The following CABIN1 variants were observed in gnomAD, a reference collection of about 807,000 sequenced individuals.
CABIN1 encodes the protein calcineurin binding protein 1.
Under a neutral mutation model 227.7 loss-of-function variants are expected in CABIN1, and 133 were observed. The observed-to-expected ratio is 0.58, with a 90% CI of 0.51 to 0.67. CABIN1 has a LOEUF of 0.67. Among genes scored for constraint, CABIN1 ranks in the 30% least tolerant of loss-of-function variants. The probability of loss-of-function intolerance (pLI) is 0.00; values close to 1 mark genes in which losing one functional copy is unlikely to be tolerated. For missense variants in CABIN1, 2,408 were observed against 2,852.5 expected (o/e 0.84, Z 3.55); for synonymous variants, 1,086 against 1,155.1 (o/e 0.94, Z 1.21).
intron 28 of CABIN1, among the ~76,000 whole-genome samples, chr22:24,130,925 T>C (rs1602254861): frequency 6.6e-6 from 1 of 152,172 alleles, no homozygotes; most frequent in African/African-American, 2.4e-5. Flanking sequence ...TCTGCACCCT[T>C]TGCCCCAGAA....
rs1180070783 is a variant in CABIN1 at position 24,015,546 on chromosome 22, G to A, written c.-75+4179G>A. On this transcript the variant is annotated intron_variant, in intron 1 of 36. Coordinates refer to ENST00000263119, the MANE Select transcript of CABIN1 (RefSeq NM_012295.4). ...TTTTTAGTAGAGACGGGGTTTCACC[G>A]TGTTAGCCAGGATGGTCTCGATCTT... Among the ~76,000 whole-genome samples, 5 of 151,438 alleles carry A rather than the reference G, an allele frequency of 3.3e-5. No individual in the cohort carries two copies. The East Asian group carries it at 8.2e-4, about 25-fold the overall frequency.
At chr22:24,095,426 A>ACC (rs199640133) in intron 24 of CABIN1, among the ~76,000 whole-genome samples, 127 of 69,480 alleles carry the variant, frequency 1.8e-3, no homozygotes, top group African/African-American at 5.9e-3. Context: ...CTGCCCACCC[A>ACC]CCCCCCCACC....
Position 24,097,999 on chromosome 22 carries a change from CCT to C in CABIN1, c.3939-12_3939-11del. The C allele has an allele frequency of 2.5e-6, 4 of 1,614,146 alleles. No individual in the cohort carries two copies. Among genetic ancestry groups the C allele is most frequent in the Non-Finnish European group, 3.4e-6 (4 of 1,180,014 alleles). On this transcript the variant is annotated splice_polypyrimidine_tract_variant and intron_variant, in intron 25 of 36. Transcript: ENST00000263119. Reference sequence around the variant, plus strand: ...TGGAGACTCTGACCTGTGCCCCAAACCTCTGTTCCCACAGGGAGAAGGCCTGC... The same window carrying C: ...TGGAGACTCTGACCTGTGCCCCAAACCTGTTCCCACAGGGAGAAGGCCTGC...
At chr22:24,061,811 T>A (rs886246945) in intron 12 of CABIN1, 136 bp from the exon 13 acceptor site, 1 of 714,764 alleles carries the variant, frequency 1.4e-6, no homozygotes, top group Non-Finnish European at 2.5e-6. Flanking sequence ...TTATCACTTA[T>A]GAAATGGCAA....
chr22:24,147,784 C>T (rs994649674), intron 29 of CABIN1, among the ~76,000 whole-genome samples: 1 of 152,152 alleles, frequency 6.6e-6, no homozygotes, highest in Admixed American at 6.5e-5. Context: ...GCGGTCTCAG[C>T]TTGGGCAGAG....
intron 4 of CABIN1, 89 bp from the exon 5 acceptor site, chr22:24,041,050 C>A: frequency 6.5e-7 from 1 of 1,528,116 alleles, no homozygotes; most frequent in Non-Finnish European, 9.1e-7. Flanking sequence ...GGGCCTGCAG[C>A]AGAGGCCAGC....
chr22:24,042,887 G>T lies in CABIN1; in HGVS notation c.346-17G>T. 7.3e-7 allele frequency: 1 copy of T among 1,375,804 alleles called. No homozygotes were observed. Among genetic ancestry groups the T allele is most frequent in the Non-Finnish European group, 9.8e-7 (1 of 1,018,712 alleles). 85.2% of individuals were successfully genotyped at this position (1,375,804 alleles called of 1,614,324 possible). A position where few individuals can be genotyped will look rare whatever the true frequency, so the allele number is the denominator to read the frequency against. On this transcript the variant is annotated splice_polypyrimidine_tract_variant and intron_variant, in intron 5 of 36. Transcript: ENST00000263119. The stretch of plus-strand genomic sequence containing the variant: ...GTGTGTGTGTGTGTGTTTGCCCTCT[G>T]CTTGTGTCGCTTCCAGGCAGTGATG...
intron 27 of CABIN1, among the ~76,000 whole-genome samples, chr22:24,113,964 GCA>G (rs1203529668): frequency 6.6e-6 from 1 of 152,230 alleles, no homozygotes; most frequent in African/African-American, 2.4e-5. Context: ...ACAGAGCCCA[GCA>G]CCACATGTGC....
rs1332114419 is a variant in CABIN1 at position 24,177,584 on chromosome 22, C to G, written c.6286C>G (p.Pro2096Ala). 3.7e-6 allele frequency: 6 copies of G among 1,607,606 alleles called. No homozygotes were observed. The highest frequency in any genetic ancestry group is 3.3e-4 in the Middle Eastern group (2 of 6,034). The change falls in exon 36 of 37, where the codon CCA becomes GCA. Residue 2096 changes from proline (P) to alanine (A), a missense_variant. This residue lies in a region of CABIN1 where 714 missense variants were observed against 773.8 expected (regional missense o/e 0.92). Transcript: ENST00000263119. The surrounding 1 kb of genome is among the most constrained non-coding windows in gnomAD (Gnocchi z 4.4). ...ASETQPLSSPPTAASSKAPSS... is the reference protein window; with the variant it reads ...ASETQPLSSPATAASSKAPSS... ...TGAGACTCAGCCCCTGAGCTCTCCC[C>G]CAACAGCTGCCAGCTCCAAGGCCCC...
rs1350484917 is a variant in CABIN1, at chr22:24,098,292, G to T, written c.4117+100G>T. The T allele has an allele frequency of 1.3e-5, 20 of 1,557,768 alleles. No individual in the cohort carries two copies. In the Admixed American group the frequency reaches 2.2e-4, roughly 17 times the overall value. On this transcript the variant is annotated intron_variant, in intron 26 of 36. Coordinates refer to ENST00000263119, the MANE Select transcript of CABIN1 (RefSeq NM_012295.4). Reference sequence around the variant, plus strand: ...TTGTCGCTTCGTTTTGGTGAGGGGGGGTGCTGGGTCTGGGGTGACACGGGC... The same window carrying T: ...TTGTCGCTTCGTTTTGGTGAGGGGGTGTGCTGGGTCTGGGGTGACACGGGC...
rs1471147891 is a variant in CABIN1, at chr22:24,067,192, C to T, written c.2232+11C>T. ...CTGCTTCTTCTGCAGGTGTGTGCTGCCAGTGTCCCTCACACCCACTTGCAC... is the reference window on the plus strand; with the variant it reads ...CTGCTTCTTCTGCAGGTGTGTGCTGTCAGTGTCCCTCACACCCACTTGCAC... On this transcript the variant is annotated intron_variant, in intron 16 of 36. Transcript: ENST00000263119. 6 of 1,613,970 alleles carry T rather than the reference C, an allele frequency of 3.7e-6. No homozygotes were observed. In the South Asian group the frequency reaches 6.6e-5, roughly 18 times the overall value.
intron 34 of CABIN1, 57 bp downstream of exon 34, chr22:24,172,052 C>T (rs981719805): frequency 2.6e-6 from 4 of 1,566,208 alleles, no homozygotes; most frequent in East Asian, 4.7e-5. Context: ...TCAAGTCCTC[C>T]CTGCGGGGAG....
intron 10 of CABIN1, among the ~76,000 whole-genome samples, chr22:24,058,459 G>A (rs1325696943): frequency 6.6e-6 from 1 of 152,194 alleles, no homozygotes; most frequent in Non-Finnish European, 1.5e-5. Flanking sequence ...GGGGTTCTGG[G>A]TTGAGGGAAC....
Position 24,068,369 on chromosome 22 carries a change from C to T in CABIN1, c.2232+1188C>T, listed in dbSNP as rs540084514. Among the ~76,000 whole-genome samples, 9 of 152,292 alleles carry T rather than the reference C, an allele frequency of 5.9e-5. No individual in the cohort carries two copies. The South Asian group carries it at 1.4e-3, about 25-fold the overall frequency. ...GACAGCCAGCATACCAGGAAGGGTGCTGGGTGGGAGAAAGGGGAGAGAGGC... is the reference window on the plus strand; with the variant it reads ...GACAGCCAGCATACCAGGAAGGGTGTTGGGTGGGAGAAAGGGGAGAGAGGC... On this transcript the variant is annotated intron_variant, in intron 16 of 36. Coordinates refer to ENST00000263119, the MANE Select transcript of CABIN1 (RefSeq NM_012295.4).
chr22:24,108,242 G>T (rs1280389994), intron 26 of CABIN1, among the ~76,000 whole-genome samples: 1 of 152,234 alleles, frequency 6.6e-6, no homozygotes, highest in Admixed American at 6.5e-5. Context: ...ATGGGAATGT[G>T]GGTCTGGGAG....
intron 4 of CABIN1, among the ~76,000 whole-genome samples, chr22:24,039,677 G>C (rs894553367): frequency 6.6e-6 from 1 of 152,166 alleles, no homozygotes; most frequent in Admixed American, 6.5e-5. Context: ...CTAAGGGCAC[G>C]GTCATGTGTC....
At chr22:24,145,311 C>T (rs912400577) in intron 29 of CABIN1, among the ~76,000 whole-genome samples, 1 of 152,188 alleles carries the variant, frequency 6.6e-6, no homozygotes, top group East Asian at 1.9e-4. Context: ...GCAGCAGGAG[C>T]ACTGTCAACC....
At chr22:24,075,745 TAA>T (rs200383727) in intron 18 of CABIN1, among the ~76,000 whole-genome samples, 2,861 of 150,182 alleles carry the variant, frequency 0.019, 34 homozygotes, top group South Asian at 0.036. Context: ...CCCTATCTCT[TAA>T]AAAAAAAAAT....
At chr22:24,041,061 C>T in intron 4 of CABIN1, 78 bp from the exon 5 acceptor site, 6 of 1,591,292 alleles carry the variant, frequency 3.8e-6, no homozygotes, top group Non-Finnish European at 5.2e-6. Flanking sequence ...AGAGGCCAGC[C>T]TGGAAGCCAA....
Sources: allele counts gnomAD v4.1 joint callset (sites outside exome capture counted in the v4.1 genomes callset), GRCh38; gene constraint gnomAD v4.1.1; regional missense constraint gnomAD v4.1.1; non-coding constraint Gnocchi (gnomAD v3.1); transcripts MANE v1.5; gene names NCBI Gene and HGNC (gene_info 2026-07-23, HGNC 2026-07-21).